The following TEX15 variants were observed in gnomAD, a reference collection of about 807,000 sequenced individuals.
TEX15 encodes testis-expressed protein 15.
TEX15 carries 171 observed loss-of-function variants against 237.3 expected under a neutral mutation model. The observed-to-expected ratio is 0.72, with a 90% CI of 0.64 to 0.82. The LOEUF (loss-of-function observed/expected upper bound fraction) is 0.82, where lower values mean the gene tolerates loss of function less well. Among genes scored for constraint, TEX15 ranks in the 40% least tolerant of loss-of-function variants. TEX15 has a pLI of 0.00. For missense variants in TEX15, 3,750 were observed against 3,646.5 expected, an observed-to-expected ratio of 1.03 and a Z score of -0.73; for synonymous variants, 1,338 against 1,269.8, an observed-to-expected ratio of 1.05 and a Z score of -1.14.
chr8:30,859,718 A>G (rs1423127186), intron 6 of TEX15, among the ~76,000 whole-genome samples, 193 bp downstream of exon 6: 1 of 152,216 alleles, frequency 6.6e-6, no homozygotes, highest in Admixed American at 6.5e-5. Context: ...CTTTGAACTG[A>G]GTTAAATGTA....
chr8:30,836,316 C>A (rs763010805), intron 10 of TEX15, among the ~76,000 whole-genome samples: 8 of 135,060 alleles, frequency 5.9e-5, no homozygotes, highest in Admixed American at 8.7e-5. Context: ...TGAGTTCAAG[C>A]GATTCTCTTT....
At chr8:30,864,791 A>G (rs1007698033) in intron 5 of TEX15, among the ~76,000 whole-genome samples, 4 of 152,184 alleles carry the variant, frequency 2.6e-5, no homozygotes, top group African/African-American at 9.6e-5. Context: ...CACAATTTTT[A>G]AGAGACAAGC....
rs1242429214 is a variant in TEX15, at chr8:30,844,831, T to C, written c.5336A>G (p.His1779Arg). Residue 1779 changes from histidine to arginine, a missense_variant, in exon 8 of 11, where the codon CAT (histidine) becomes CGT (arginine). His to Arg is a conservative substitution (Grantham distance 29). Transcript: ENST00000643185. Reference sequence around the variant, plus strand: ...GACATTTGTTTCATTCCCATCTGTATGGAGGCAATTACCTGAAGAGCACTG... The same window carrying C: ...GACATTTGTTTCATTCCCATCTGTACGGAGGCAATTACCTGAAGAGCACTG... ...TEQCSSGNCL[H>R]TDGNETNVTE... 6.2e-7 allele frequency: 1 copy of C among 1,613,592 alleles called. No individual in the cohort carries two copies. Among genetic ancestry groups the C allele is most frequent in the East Asian group, 2.2e-5 (1 of 44,866 alleles).
Position 30,849,124 on chromosome 8 carries a change from T to C in TEX15, c.1043A>G (p.Asn348Ser), listed in dbSNP as rs754853928. The C allele has an allele frequency of 6.3e-7, 1 of 1,596,544 alleles. No homozygotes were observed. Among genetic ancestry groups the C allele is most frequent in the Admixed American group, 1.7e-5 (1 of 57,866 alleles). The stretch of plus-strand genomic sequence containing the variant: ...TGTTTCAGGTATAGAAATGTTTCCA[T>C]TTTGTACATTTCCATAGGAGTTAGA... The part of the protein sequence containing the change: ...NISNSYGNVQ[N>S]GNISIPETYS... Residue 348 changes from asparagine to serine, a missense_variant, in exon 8 of 11, where the codon AAT (asparagine) becomes AGT (serine). By Grantham distance (46) the Asn-to-Ser change is conservative. Transcript: ENST00000643185.
chr8:30,893,032 C>CAAAAA (rs60813874), intron 2 of TEX15, among the ~76,000 whole-genome samples: 1 of 81,356 alleles, frequency 1.2e-5, no homozygotes, highest in Non-Finnish European at 2.8e-5. Flanking sequence ...GACTCTGCCT[C>CAAAAA]AAAAAAAAAA....
intron 2 of TEX15, among the ~76,000 whole-genome samples, chr8:30,891,502 C>T (rs933210028): frequency 6.6e-6 from 1 of 150,844 alleles, no homozygotes; most frequent in Admixed American, 6.6e-5. Context: ...TTTTTTTCGA[C>T]AATGTCTTGC....
chr8:30,887,461 G>T, intron 2 of TEX15, 150 bp from the exon 3 acceptor site: 2 of 767,750 alleles, frequency 2.6e-6, no homozygotes, highest in Non-Finnish European at 3.8e-6. Context: ...TTTGCCAGTT[G>T]CCCAAAAAAG....
At chr8:30,882,112 A>C (rs1415468333) in intron 3 of TEX15, among the ~76,000 whole-genome samples, 1 of 152,154 alleles carries the variant, frequency 6.6e-6, no homozygotes, top group Non-Finnish European at 1.5e-5. Context: ...TGACTATTTC[A>C]AAATGTGTTA....
At chr8:30,834,089 TTA>T (rs1178735587) in intron 10 of TEX15, among the ~76,000 whole-genome samples, 1 of 152,200 alleles carries the variant, frequency 6.6e-6, no homozygotes, top group Non-Finnish European at 1.5e-5. Flanking sequence ...TGCTTGGTGT[TTA>T]TCATTACAGC....
At chr8:30,899,184 T>C (rs988325635) in intron 1 of TEX15, among the ~76,000 whole-genome samples, 2 of 152,212 alleles carry the variant, frequency 1.3e-5, no homozygotes, top group African/African-American at 2.4e-5. Context: ...TCTAGTGTTT[T>C]TACATACAGC....
rs1421221105 is a variant in TEX15 at position 30,837,965 on chromosome 8, C to T, written c.8319G>A (p.Met2773Ile). ...RNHLTPKKVEMQRSLPGSLLP... is the reference protein window; with the variant it reads ...RNHLTPKKVEIQRSLPGSLLP... ...AAAGTGAGCCAGGTAGTGATCTTTG[C>T]ATTTCAACCTTTTTTGGCGTTAAAT... Residue 2773 changes from methionine (M) to isoleucine (I), a missense_variant, in exon 10 of 11, where the codon ATG becomes ATA. Transcript: ENST00000643185. 1.2e-6 allele frequency: 2 copies of T among 1,614,054 alleles called. No homozygotes were observed.
At position 30,844,508 on chromosome 8, in the gene TEX15, C is replaced by T. The variant is rs1033208856; in HGVS notation, c.5659G>A (p.Glu1887Lys). 42 of 1,612,998 alleles carry T rather than the reference C, an allele frequency of 2.6e-5. No individual in the cohort carries two copies. The highest frequency in any genetic ancestry group is 5.0e-5 in the Admixed American group (3 of 59,964). The stretch of plus-strand genomic sequence containing the variant: ...ATCAAGTTAGTTGTAATAATTTTCT[C>T]ATTTAAGCAGGATTCTTCTGAGATC... Reference protein sequence around the residue: ...NQISEESCLNEKIITTNLIDS... With the variant: ...NQISEESCLNKKIITTNLIDS... The change falls in exon 8 of 11, where the codon GAG becomes AAG. Residue 1887 changes from glutamate (E) to lysine (K), a missense_variant. By Grantham distance (56) the Glu-to-Lys change is moderately conservative. Transcript: ENST00000643185.
Position 30,887,058 on chromosome 8 carries a change from T to C in TEX15, c.136+109A>G, listed in dbSNP as rs1585309296. 4.0e-6 allele frequency: 4 copies of C among 1,012,590 alleles called. No individual in the cohort carries two copies. In the East Asian group the frequency reaches 1.1e-4, roughly 28 times the overall value. 62.7% of individuals were successfully genotyped at this position (1,012,590 alleles called of 1,614,324 possible). On this transcript the variant is annotated intron_variant, in intron 3 of 10. Coordinates refer to ENST00000643185, the MANE Select transcript of TEX15 (RefSeq NM_001350162.2). Reference sequence around the variant, plus strand: ...ATGTATGTTTAAGGAATTAGAGACCTGAATTAACCTAATTTTATATAGAGT... The same window carrying C: ...ATGTATGTTTAAGGAATTAGAGACCCGAATTAACCTAATTTTATATAGAGT...
chr8:30,896,655 G>A (rs1205485167), intron 2 of TEX15, among the ~76,000 whole-genome samples: 1 of 152,064 alleles, frequency 6.6e-6, no homozygotes, highest in Non-Finnish European at 1.5e-5. Flanking sequence ...GTGCTTCTTA[G>A]AATCAGTGCC....
At position 30,845,642 on chromosome 8, in the gene TEX15, A is replaced by G; in HGVS notation, c.4525T>C (p.Phe1509Leu). ...GATTCAGGATGTTCTTGATTACAAA[A>G]TTCTCCCATGTGACTGGTGGTGGGG... ...SHPTTSHMGE[F>L]CNQEHPESQL... Residue 1509 changes from phenylalanine (F) to leucine (L), a missense_variant, in exon 8 of 11, where the codon TTT (phenylalanine) becomes CTT (leucine). Coordinates refer to ENST00000643185, the MANE Select transcript of TEX15 (RefSeq NM_001350162.2). The G allele has an allele frequency of 6.2e-7, 1 of 1,613,574 alleles. No individual in the cohort carries two copies. The highest frequency in any genetic ancestry group is 8.5e-7 in the Non-Finnish European group (1 of 1,179,610).
At chr8:30,836,424 G>C (rs1193912702) in intron 10 of TEX15, among the ~76,000 whole-genome samples, 1 of 151,782 alleles carries the variant, frequency 6.6e-6, no homozygotes, top group Non-Finnish European at 1.5e-5. Flanking sequence ...ATGTTGGCCA[G>C]GCTAGTCTTG....
intron 1 of TEX15, among the ~76,000 whole-genome samples, chr8:30,904,147 A>G (rs898941750): frequency 6.6e-6 from 1 of 152,232 alleles, no homozygotes; most frequent in Non-Finnish European, 1.5e-5. Flanking sequence ...GGAAATAATA[A>G]TAAAACGACC....
intron 3 of TEX15, among the ~76,000 whole-genome samples, chr8:30,886,263 T>C (rs895648652): frequency 5.3e-5 from 8 of 152,188 alleles, no homozygotes; most frequent in African/African-American, 1.4e-4. Context: ...ACTGACTCTT[T>C]AATACTATGC....
chr8:30,841,159 G>A (rs1023897608), intron 8 of TEX15, among the ~76,000 whole-genome samples: 1 of 152,112 alleles, frequency 6.6e-6, no homozygotes, highest in Admixed American at 6.5e-5. Context: ...GACTCAAGCA[G>A]TCTGCCCACC....
Sources: allele counts gnomAD v4.1 joint callset (sites outside exome capture counted in the v4.1 genomes callset), GRCh38; gene constraint gnomAD v4.1.1; transcripts MANE v1.5; gene names NCBI Gene and HGNC (gene_info 2026-07-23, HGNC 2026-07-21).